ZNF215: variants seen among roughly 807,000 people sequenced by gnomAD.
The protein encoded by ZNF215 is BWSCR2-associated zinc finger protein 2.
In ZNF215, 24 loss-of-function variants were observed where a neutral mutation model predicts 27.2. That is an observed-to-expected ratio of 0.88 (90% confidence interval 0.64 to 1.24). The LOEUF (loss-of-function observed/expected upper bound fraction) is 1.24. Among genes scored for constraint, ZNF215 ranks in the 50% most tolerant of loss-of-function variants. The pLI, the probability that ZNF215 is intolerant of heterozygous loss-of-function variation, is 0.00. For missense variants in ZNF215, 675 were observed against 605.7 expected, an observed-to-expected ratio of 1.11 and a Z score of -1.20; for synonymous variants, 210 against 204.0, an observed-to-expected ratio of 1.03 and a Z score of -0.25.
At chr11:6,968,890 T>A (rs938650976) in intron 5 of ZNF215, among the ~76,000 whole-genome samples, 3 of 151,994 alleles carry the variant, frequency 2.0e-5, no homozygotes, top group Non-Finnish European at 4.4e-5. Flanking sequence ...AAATTACTTA[T>A]AATTCATGTC....
intron 6 of ZNF215, among the ~76,000 whole-genome samples, chr11:6,955,072 AAAG>A (rs1226938021): frequency 6.6e-6 from 1 of 152,174 alleles, no homozygotes; most frequent in African/African-American, 2.4e-5. Context: ...GTACAGTAGA[AAAG>A]TACCAAAGCA....
Position 6,954,992 on chromosome 11 carries a change from C to T in ZNF215, c.713-698C>T, listed in dbSNP as rs142007681. Among the ~76,000 whole-genome samples the T allele has an allele frequency of 4.4e-3, 666 of 151,998 alleles. 3 individuals carry two copies. The highest frequency in any genetic ancestry group is 0.013 in the African/African-American group (526 of 41,406). On this transcript the variant is annotated intron_variant, in intron 6 of 6. Transcript: ENST00000278319. ...GGAAGTGGAACATAATTAAATAAAA[C>T]GGAAATGAGGACAGGTGAAAGGAAG...
rs1590056082 is a variant in ZNF215 at position 6,943,231 on chromosome 11, T to A, written c.616+16T>A. ...TTGCGTAAAGGTGGTTTCTATATGT[T>A]TACCTAATCTGTCCATTTAGTAATC... On this transcript the variant is annotated intron_variant, in intron 5 of 6. Transcript: ENST00000278319. 6.2e-7 allele frequency: 1 copy of A among 1,600,960 alleles called. No individual in the cohort carries two copies. Among genetic ancestry groups the A allele is most frequent in the East Asian group, 2.2e-5 (1 of 44,792 alleles).
intron 3 of ZNF215, among the ~76,000 whole-genome samples, chr11:6,937,317 T>A (rs1849471329): frequency 6.6e-6 from 1 of 151,778 alleles, no homozygotes; most frequent in African/African-American, 2.4e-5. Flanking sequence ...TTATAATATG[T>A]CAAAAATAGA....
downstream of ZNF215, among the ~76,000 whole-genome samples, chr11:6,961,769 A>G (rs568374679): frequency 4.6e-5 from 7 of 152,224 alleles, no homozygotes; most frequent in East Asian, 1.3e-3. Flanking sequence ...GGCTCCACAT[A>G]TTTAAAAATC....
At chr11:6,927,377 C>T (rs1849090864) in intron 1 of ZNF215, among the ~76,000 whole-genome samples, 1 of 152,106 alleles carries the variant, frequency 6.6e-6, no homozygotes, top group Non-Finnish European at 1.5e-5. Flanking sequence ...TGGTTCTTAC[C>T]TCAAGCAGCT....
At chr11:6,937,983 G>GA in intron 3 of ZNF215, among the ~76,000 whole-genome samples, 1 of 151,668 alleles carries the variant, frequency 6.6e-6, no homozygotes, top group Admixed American at 6.6e-5. Context: ...AGCAACAAAA[G>GA]AAAAAATAGA....
rs1316540787 is a variant in ZNF215 at position 6,926,528 on chromosome 11, C to T, written c.-483C>T. The T allele has an allele frequency of 6.6e-6, 1 of 152,502 alleles. No homozygotes were observed. 9.4% of individuals were successfully genotyped at this position (152,502 alleles called of 1,614,324 possible). Reference sequence around the variant, plus strand: ...CAGCTGGTGCGCGTGCGCAAGAGTGCGTCGAGGTTGTTCCGCGGCAATTTA... The same window carrying T: ...CAGCTGGTGCGCGTGCGCAAGAGTGTGTCGAGGTTGTTCCGCGGCAATTTA... On this transcript the variant is annotated 5_prime_UTR_variant, in exon 1 of 7. Transcript: ENST00000278319.
chr11:6,937,217 T>TC (rs529288561), intron 3 of ZNF215, among the ~76,000 whole-genome samples: 1 of 151,960 alleles, frequency 6.6e-6, no homozygotes, highest in Non-Finnish European at 1.5e-5. Context: ...CCTAATAAAC[T>TC]CAAAGTTGCA....
chr11:6,926,995 TC>T (rs1429446045), intron 1 of ZNF215: 1 of 152,120 alleles, frequency 6.6e-6, no homozygotes, highest in Non-Finnish European at 1.5e-5. Flanking sequence ...GGGGTCAGGA[TC>T]CAGCTCCGCT....
chr11:6,939,342 T>G (rs539644201), intron 3 of ZNF215, among the ~76,000 whole-genome samples: 2 of 152,328 alleles, frequency 1.3e-5, no homozygotes, highest in East Asian at 3.9e-4. Flanking sequence ...ACTTTAGTGT[T>G]GGTCATTCAC....
chr11:6,940,100 G>A (rs1041215263), intron 3 of ZNF215, among the ~76,000 whole-genome samples: 5 of 151,858 alleles, frequency 3.3e-5, no homozygotes, highest in Admixed American at 3.3e-4. Flanking sequence ...AAGTATGGTG[G>A]CACATGCCTG....
chr11:6,943,625 A>G lies in ZNF215; in HGVS notation c.696A>G (p.Pro232=). ...KKRWIMEKEI[P]RKTIFDMKSI... ...GATGGATAATGGAGAAAGAAATACC[A>G]AGGAAGACTATTTTTGGTAAGAACC... Residue 232 remains proline, a synonymous_variant, in exon 6 of 7, where the codon CCA becomes CCG. Transcript: ENST00000278319. 6.2e-7 allele frequency: 1 copy of G among 1,613,578 alleles called. No homozygotes were observed. Among genetic ancestry groups the G allele is most frequent in the Non-Finnish European group, 8.5e-7 (1 of 1,179,548 alleles).
chr11:6,985,121 C>G (rs1041149798), downstream of ZNF215, among the ~76,000 whole-genome samples: 1 of 152,028 alleles, frequency 6.6e-6, no homozygotes, highest in Admixed American at 6.6e-5. Context: ...ACCAATGTCC[C>G]TGATGAACAT....
rs190937401 is a variant in ZNF215, at chr11:6,946,056, C to T, written c.712+2415C>T. 2.6e-4 allele frequency among the ~76,000 whole-genome samples: 39 copies of T among 152,156 alleles called. No homozygotes were observed. In the East Asian group the frequency reaches 7.1e-3, roughly 28 times the overall value. The stretch of plus-strand genomic sequence containing the variant: ...CAAGATACAGTTTAACTATTCTTGA[C>T]ACAACTTCTTCTCCTTCACTTCTCT... On this transcript the variant is annotated intron_variant, in intron 6 of 6. Coordinates refer to ENST00000278319, the MANE Select transcript of ZNF215 (RefSeq NM_013250.4).
downstream of ZNF215, among the ~76,000 whole-genome samples, chr11:6,990,288 T>C (rs975675204): frequency 2.0e-5 from 3 of 152,164 alleles, no homozygotes; most frequent in African/African-American, 7.2e-5. Flanking sequence ...CACTCAAGGA[T>C]AGCCTTAACA....
chr11:6,947,652 G>A (rs1182439745), intron 6 of ZNF215, among the ~76,000 whole-genome samples: 4 of 152,152 alleles, frequency 2.6e-5, no homozygotes, highest in Non-Finnish European at 5.9e-5. Flanking sequence ...TGGAAATTCT[G>A]CTATTACATA....
chr11:6,991,693 TTTCATTGCATGG>T, downstream of ZNF215, among the ~76,000 whole-genome samples: 1 of 152,250 alleles, frequency 6.6e-6, no homozygotes, highest in South Asian at 2.1e-4. Context: ...GTTCTCATAT[TTTCATTGCATGG>T]CTCATATTTT....
At chr11:6,980,625 A>ATTG (rs202097666) in intron 5 of ZNF215, among the ~76,000 whole-genome samples, 2,987 of 146,046 alleles carry the variant, frequency 0.02, 99 homozygotes, top group African/African-American at 0.072. Context: ...TATTATTATT[A>ATTG]TACTTTAAGT....
Sources: allele counts gnomAD v4.1 joint callset (sites outside exome capture counted in the v4.1 genomes callset), GRCh38; gene constraint gnomAD v4.1.1; transcripts MANE v1.5; gene names NCBI Gene and HGNC (gene_info 2026-07-23, HGNC 2026-07-21).